LDAH: variants seen among roughly 807,000 people sequenced by gnomAD.
LDAH encodes lipid droplet associated hydrolase.
LDAH carries 26 observed loss-of-function variants against 29.6 expected under a neutral mutation model. That is an observed-to-expected ratio of 0.88 (90% CI 0.64 to 1.22). The LOEUF (loss-of-function observed/expected upper bound fraction) is 1.22, where lower values mean the gene tolerates loss of function less well. LDAH is among the 50% of genes most tolerant of loss of function. LDAH has a pLI of 0.00. For missense variants in LDAH, 344 were observed against 387.3 expected (o/e 0.89, Z 0.94); for synonymous variants, 117 against 133.0 (o/e 0.88, Z 0.83).
At chr2:20,813,306 AT>A (rs1476552801) in intron 1 of LDAH, among the ~76,000 whole-genome samples, 1 of 152,120 alleles carries the variant, frequency 6.6e-6, no homozygotes, top group Non-Finnish European at 1.5e-5. Flanking sequence ...GCATTTATGT[AT>A]TTTTTCATGA....
intron 2 of LDAH, among the ~76,000 whole-genome samples, chr2:20,792,739 T>G (rs1671058728): frequency 1.3e-5 from 2 of 152,128 alleles, no homozygotes; most frequent in Non-Finnish European, 2.9e-5. Flanking sequence ...ATGATTTAGA[T>G]GTAAGTTACA....
intron 5 of LDAH, among the ~76,000 whole-genome samples, chr2:20,708,516 A>G (rs1664472857): frequency 6.6e-6 from 1 of 152,268 alleles, no homozygotes; most frequent in South Asian, 2.1e-4. Flanking sequence ...AATGCAAGAA[A>G]ATACAACCCA....
intron 4 of LDAH, 81 bp downstream of exon 4, chr2:20,774,729 C>T: frequency 7.1e-7 from 1 of 1,400,416 alleles, no homozygotes; most frequent in Non-Finnish European, 9.9e-7. Context: ...GAACAAGAGA[C>T]AAAAGAACAT....
chr2:20,812,504 T>C (rs996415757), intron 1 of LDAH, among the ~76,000 whole-genome samples: 1 of 152,230 alleles, frequency 6.6e-6, no homozygotes, highest in Non-Finnish European at 1.5e-5. Context: ...ATCAAAATCA[T>C]CTTGTTTTAA....
At chr2:20,785,198 C>T (rs1055833838) in intron 3 of LDAH, among the ~76,000 whole-genome samples, 3 of 152,152 alleles carry the variant, frequency 2.0e-5, no homozygotes, top group African/African-American at 7.2e-5. Flanking sequence ...TTTCCCTTCC[C>T]CTAAAGAACT....
At chr2:20,726,803 C>A (rs1572487653) in intron 5 of LDAH, among the ~76,000 whole-genome samples, 1 of 152,146 alleles carries the variant, frequency 6.6e-6, no homozygotes, top group East Asian at 1.9e-4. Context: ...CTAAGCGACA[C>A]TGAGTTCACC....
At chr2:20,728,491 A>G (rs1666171790) in intron 5 of LDAH, among the ~76,000 whole-genome samples, 2 of 152,000 alleles carry the variant, frequency 1.3e-5, no homozygotes, top group African/African-American at 4.8e-5. Flanking sequence ...TATAAACTCT[A>G]GCAGAGCCCA....
intron 2 of LDAH, among the ~76,000 whole-genome samples, chr2:20,790,867 G>T (rs1670897961): frequency 6.6e-6 from 1 of 152,154 alleles, no homozygotes; most frequent in Non-Finnish European, 1.5e-5. Context: ...TGTACAGAAG[G>T]TATTTTTGAC....
At chr2:20,780,018 C>G (rs562621642) in intron 3 of LDAH, among the ~76,000 whole-genome samples, 1 of 152,170 alleles carries the variant, frequency 6.6e-6, no homozygotes. Context: ...CCTTTCACAA[C>G]TGTCCTGAGG....
intron 4 of LDAH, among the ~76,000 whole-genome samples, chr2:20,743,546 A>T (rs766525303): frequency 1.1e-4 from 17 of 152,212 alleles, no homozygotes; most frequent in Non-Finnish European, 1.9e-4. Context: ...GCATACATAT[A>T]ACATATAAAC....
chr2:20,691,377 A>G (rs899122417), intron 6 of LDAH, among the ~76,000 whole-genome samples: 6 of 151,854 alleles, frequency 4.0e-5, no homozygotes, highest in African/African-American at 9.7e-5. Flanking sequence ...AAGTCTCCCT[A>G]TGTTTCCCAG....
At chr2:20,711,535 T>A (rs575264429) in intron 5 of LDAH, among the ~76,000 whole-genome samples, 1 of 152,274 alleles carries the variant, frequency 6.6e-6, no homozygotes, top group South Asian at 2.1e-4. Flanking sequence ...TTGGGACTGG[T>A]TGGACAGTGG....
At chr2:20,749,930 A>G (rs1160118519) in intron 4 of LDAH, among the ~76,000 whole-genome samples, 1 of 152,118 alleles carries the variant, frequency 6.6e-6, no homozygotes, top group Non-Finnish European at 1.5e-5. Flanking sequence ...ACAGGTTCAT[A>G]AGGGTAGCAT....
intron 4 of LDAH, among the ~76,000 whole-genome samples, chr2:20,742,075 T>A (rs1482310228): frequency 6.6e-6 from 1 of 152,252 alleles, no homozygotes; most frequent in Non-Finnish European, 1.5e-5. Flanking sequence ...TCTTTTCTAA[T>A]CCATGTTTAA....
At chr2:20,804,194 A>G (rs1302044808) in intron 1 of LDAH, among the ~76,000 whole-genome samples, 1 of 152,230 alleles carries the variant, frequency 6.6e-6, no homozygotes, top group Non-Finnish European at 1.5e-5. Flanking sequence ...TGCAAGGGCT[A>G]TGTGTCCCTG....
At chr2:20,761,728 TC>T (rs1309983611) in intron 4 of LDAH, among the ~76,000 whole-genome samples, 1 of 151,476 alleles carries the variant, frequency 6.6e-6, no homozygotes, top group African/African-American at 2.4e-5. Context: ...GGAAGCCCAA[TC>T]CCCCCCATTA....
intron 4 of LDAH, among the ~76,000 whole-genome samples, chr2:20,747,208 A>G (rs1667629789): frequency 6.6e-6 from 1 of 152,070 alleles, no homozygotes; most frequent in African/African-American, 2.4e-5. Flanking sequence ...CTTATTACAG[A>G]TGCATCCATT....
At chr2:20,700,948 C>T (rs1250838132) in intron 6 of LDAH, among the ~76,000 whole-genome samples, 1 of 152,166 alleles carries the variant, frequency 6.6e-6, no homozygotes, top group Non-Finnish European at 1.5e-5. Flanking sequence ...TTCTGTCCTA[C>T]TCAGAACGGA....
At chr2:20,768,594 G>A (rs1489963839) in intron 4 of LDAH, among the ~76,000 whole-genome samples, 1 of 152,172 alleles carries the variant, frequency 6.6e-6, no homozygotes, top group East Asian at 1.9e-4. Flanking sequence ...GGCAGCATGA[G>A]CTGAGCATAG....
Sources: allele counts gnomAD v4.1 joint callset (sites outside exome capture counted in the v4.1 genomes callset), GRCh38; gene constraint gnomAD v4.1.1; transcripts MANE v1.5; gene names NCBI Gene and HGNC (gene_info 2026-07-23, HGNC 2026-07-21).